VWA8: variants seen among roughly 807,000 people sequenced by gnomAD.
The protein encoded by VWA8 is von Willebrand factor A domain-containing protein 8.
A neutral mutation model predicts 241.5 loss-of-function variants in VWA8; 221 were observed. The ratio of observed to expected loss-of-function variants is 0.91; its 90% CI spans 0.82 to 1.02. VWA8 has a LOEUF of 1.02. VWA8 is among the 50% of genes least tolerant of loss of function. VWA8 has a pLI of 0.00. For missense variants in VWA8, 2,322 were observed against 2,328.7 expected (o/e 1.00, Z 0.06); for synonymous variants, 852 against 827.1 (o/e 1.03, Z -0.52).
At chr13:41,873,719 G>A (rs1416857184) in intron 9 of VWA8, among the ~76,000 whole-genome samples, 1 of 152,156 alleles carries the variant, frequency 6.6e-6, no homozygotes, top group African/African-American at 2.4e-5. Context: ...AAGAGTCCAG[G>A]ACCAGATGGA....
At chr13:41,794,985 A>C (rs1048666601) in intron 17 of VWA8, among the ~76,000 whole-genome samples, 2 of 152,240 alleles carry the variant, frequency 1.3e-5, no homozygotes, top group Non-Finnish European at 2.9e-5. Flanking sequence ...TCTGCACAGC[A>C]AAAGAAACTA....
chr13:41,770,392 G>A (rs1297044519), intron 20 of VWA8, among the ~76,000 whole-genome samples: 4 of 148,336 alleles, frequency 2.7e-5, no homozygotes, highest in Non-Finnish European at 5.9e-5. Flanking sequence ...AGTGAGCCGA[G>A]ATCGCGCCAC....
At chr13:41,871,695 C>T (rs1873627217) in intron 9 of VWA8, among the ~76,000 whole-genome samples, 1 of 152,080 alleles carries the variant, frequency 6.6e-6, no homozygotes, top group Non-Finnish European at 1.5e-5. Flanking sequence ...TTTCTTAATC[C>T]AGTCTATCGT....
chr13:41,622,121 G>T lies in VWA8; in HGVS notation c.4612-7037C>A, dbSNP rs61058396. Among the ~76,000 whole-genome samples, 697 of 152,272 alleles carry T rather than the reference G, an allele frequency of 4.6e-3. 9 individuals are homozygous for T. The highest frequency in any genetic ancestry group is 0.016 in the African/African-American group (657 of 41,536). ...CCACTCACTCACTCACAGGAATATAGTTCTTTAGGTGGATGGGAGGAGTAC... is the reference window on the plus strand; with the variant it reads ...CCACTCACTCACTCACAGGAATATATTTCTTTAGGTGGATGGGAGGAGTAC... On this transcript the variant is annotated intron_variant, in intron 37 of 44. Coordinates refer to ENST00000379310, the MANE Select transcript of VWA8 (RefSeq NM_015058.2).
chr13:41,611,817 G>A, intron 38 of VWA8, 85 bp from the exon 39 acceptor site: 1 of 1,476,366 alleles, frequency 6.8e-7, no homozygotes, highest in South Asian at 1.2e-5. Flanking sequence ...GGACAGCCTT[G>A]TGGAGGATAT....
intron 12 of VWA8, among the ~76,000 whole-genome samples, chr13:41,844,922 T>C (rs1872220183): frequency 6.6e-6 from 1 of 151,956 alleles, no homozygotes. Context: ...CGGAAAAACA[T>C]TGCATGCTCA....
At chr13:41,887,450 C>A in intron 5 of VWA8, 89 bp from the exon 6 acceptor site, 1 of 1,388,468 alleles carries the variant, frequency 7.2e-7, no homozygotes, top group Non-Finnish European at 9.7e-7. Flanking sequence ...TAGGACTTGA[C>A]TGTTGAGAAA....
intron 12 of VWA8, among the ~76,000 whole-genome samples, chr13:41,864,214 G>A (rs1318374953): frequency 6.6e-6 from 1 of 151,908 alleles, no homozygotes; most frequent in African/African-American, 2.4e-5. Context: ...TGCATTGTTG[G>A]TGGGAATGAA....
intron 16 of VWA8, among the ~76,000 whole-genome samples, chr13:41,813,026 T>C (rs573960356): frequency 2.6e-5 from 4 of 151,928 alleles, no homozygotes; most frequent in African/African-American, 9.7e-5. Context: ...GAACCACAAG[T>C]AGAACATGAG....
chr13:41,736,275 T>C (rs551665448), intron 21 of VWA8, among the ~76,000 whole-genome samples: 5 of 152,332 alleles, frequency 3.3e-5, no homozygotes, highest in African/African-American at 1.2e-4. Context: ...AAAGCCTGTG[T>C]CAATAAAGGC....
In VWA8 at chr13:41,959,002, T is replaced by C. The variant is rs1878468858; in HGVS notation, c.163+1851A>G. Among the ~76,000 whole-genome samples, 3 of 152,340 alleles carry C rather than the reference T, an allele frequency of 2.0e-5. No individual in the cohort carries two copies. The South Asian group carries it at 6.2e-4, about 32-fold the overall frequency. On this transcript the variant is annotated intron_variant, in intron 1 of 44. Transcript: ENST00000379310. Reference sequence around the variant, plus strand: ...CCATGTACAAAGAACAATTGTTTTTTAAAAAGTTCAAGTCAATTCACTCGG... The same window carrying C: ...CCATGTACAAAGAACAATTGTTTTTCAAAAAGTTCAAGTCAATTCACTCGG...
intron 13 of VWA8, among the ~76,000 whole-genome samples, chr13:41,831,884 T>A (rs1020313573): frequency 6.6e-6 from 1 of 150,692 alleles, no homozygotes; most frequent in African/African-American, 2.4e-5. Flanking sequence ...TCTCCCAAAA[T>A]GCTGGGACTA....
At chr13:41,733,411 T>C (rs779356074) in intron 21 of VWA8, among the ~76,000 whole-genome samples, 5 of 152,188 alleles carry the variant, frequency 3.3e-5, no homozygotes, top group Non-Finnish European at 5.9e-5. Context: ...TTATTGGCCA[T>C]GTGATTGTGG....
chr13:41,603,485 T>C (rs748403674), intron 40 of VWA8, among the ~76,000 whole-genome samples: 13 of 152,144 alleles, frequency 8.5e-5, no homozygotes, highest in Non-Finnish European at 1.9e-4. Context: ...CAAATACCAA[T>C]TAAGACATCA....
rs1875785658 is a variant in VWA8, at chr13:41,907,639, C to G, written c.430G>C (p.Asp144His). ...IALSRDTTET[D>H]LKQRREIRAG... ...CGGATCTCTCGTCGCTGTTTGAGAT[C>G]AGTTTCAGTGGTGTCCCTTGACAGG... is the stretch of plus-strand genomic sequence containing the variant. Residue 144 changes from aspartate (D) to histidine (H), a missense_variant, in exon 4 of 45, where the codon GAT becomes CAT. Transcript: ENST00000379310. 1 of 1,614,170 alleles carries G rather than the reference C, an allele frequency of 6.2e-7. No individual in the cohort carries two copies. Among genetic ancestry groups the G allele is most frequent in the Non-Finnish European group, 8.5e-7 (1 of 1,180,020 alleles).
At chr13:41,763,822 C>G (rs2045760304) in intron 20 of VWA8, among the ~76,000 whole-genome samples, 1 of 152,134 alleles carries the variant, frequency 6.6e-6, no homozygotes, top group African/African-American at 2.4e-5. Context: ...AATAGCCATG[C>G]CTATTTAAAT....
chr13:41,863,423 GTGTGTGTGTGTA>G (rs752045005), intron 12 of VWA8, among the ~76,000 whole-genome samples: 973 of 61,702 alleles, frequency 0.016, 10 homozygotes, highest in Middle Eastern at 0.027. Flanking sequence ...GTGTGTGTGT[GTGTGTGTGTGTA>G]TATATATATA....
intron 12 of VWA8, among the ~76,000 whole-genome samples, chr13:41,846,966 C>T (rs1001936958): frequency 7.9e-5 from 12 of 152,122 alleles, no homozygotes; most frequent in African/African-American, 2.7e-4. Flanking sequence ...GCAGAGGTTG[C>T]AGTGAGCCGA....
At chr13:41,652,723 ATT>A (rs2044877299) in intron 37 of VWA8, among the ~76,000 whole-genome samples, 1 of 152,130 alleles carries the variant, frequency 6.6e-6, no homozygotes, top group South Asian at 2.1e-4. Flanking sequence ...GTCAGAGGAA[ATT>A]TCTCTGTGCT....
Sources: allele counts gnomAD v4.1 joint callset (sites outside exome capture counted in the v4.1 genomes callset), GRCh38; gene constraint gnomAD v4.1.1; transcripts MANE v1.5; gene names NCBI Gene and HGNC (gene_info 2026-07-23, HGNC 2026-07-21).